Variants in PCDH15 observed in about 807,000 individuals in gnomAD.
PCDH15 encodes the protein protocadherin related 15.
In PCDH15, 129 loss-of-function variants were observed where a neutral mutation model predicts 178.5. The observed-to-expected ratio is 0.72, with a 90% CI of 0.63 to 0.84. PCDH15 has a LOEUF of 0.84. PCDH15 is among the 40% of genes least tolerant of loss of function. The pLI is 0.00. For missense variants in PCDH15, 2,230 were observed against 2,099.9 expected, an observed-to-expected ratio of 1.06 and a Z score of -1.21; for synonymous variants, 800 against 732.0, an observed-to-expected ratio of 1.09 and a Z score of -1.50.
intron 1 of PCDH15, among the ~76,000 whole-genome samples, chr10:54,792,922 C>A (rs182403739): frequency 2.6e-4 from 40 of 151,870 alleles, no homozygotes; most frequent in African/African-American, 8.9e-4. Context: ...TGTACTGAGT[C>A]CCCCATTCCC....
At chr10:54,069,493 A>G (rs1367792957) in intron 17 of PCDH15, among the ~76,000 whole-genome samples, 1 of 152,180 alleles carries the variant, frequency 6.6e-6, no homozygotes, top group Non-Finnish European at 1.5e-5. Flanking sequence ...ATTTTATATG[A>G]CATGAAAAAA....
intron 3 of PCDH15, among the ~76,000 whole-genome samples, chr10:54,823,071 G>A (rs4506539): frequency 0.68 from 103,144 of 151,612 alleles, 35,415 homozygotes; most frequent in Admixed American, 0.78. Context: ...TACTAGAGAC[G>A]GGGTTTCACC....
intron 1 of PCDH15, among the ~76,000 whole-genome samples, chr10:55,312,271 G>C (rs985070577): frequency 2.0e-5 from 3 of 151,806 alleles, no homozygotes; most frequent in Admixed American, 6.6e-5. Context: ...TCTGTTGTAA[G>C]GTAAAAAATG....
At chr10:54,062,256 A>AAAAAAAAAAAAAAAAAAG (rs2094042677) in intron 18 of PCDH15, among the ~76,000 whole-genome samples, 2 of 110,010 alleles carry the variant, frequency 1.8e-5, no homozygotes, top group Non-Finnish European at 4.1e-5. Flanking sequence ...AAAAAAACAA[A>AAAAAAAAAAAAAAAAAAG]AAACAACTAA....
At chr10:55,163,397 G>T (rs1591956147) in intron 2 of PCDH15, among the ~76,000 whole-genome samples, 1 of 152,204 alleles carries the variant, frequency 6.6e-6, no homozygotes, top group Non-Finnish European at 1.5e-5. Context: ...AATATATAAA[G>T]ACCCACAGCC....
At chr10:55,238,671 T>C (rs1398268988) in intron 1 of PCDH15, among the ~76,000 whole-genome samples, 1 of 152,090 alleles carries the variant, frequency 6.6e-6, no homozygotes, top group African/African-American at 2.4e-5. Flanking sequence ...TTATTTTTAT[T>C]TCCATTTTAT....
In PCDH15 at chr10:53,806,821, T is replaced by C; in HGVS notation, c.4981A>G (p.Thr1661Ala). 6.2e-7 allele frequency: 1 copy of C among 1,613,878 alleles called. No individual in the cohort carries two copies. The highest frequency in any genetic ancestry group is 8.5e-7 in the Non-Finnish European group (1 of 1,179,824). ...LNTLSKGPFS[T>A]EKMNARPTLV... is the part of the protein sequence containing the mutation. ...GTTGGTCTTGCATTCATTTTTTCAG[T>C]AGAAAATGGCCCCTTTGATAATGTG... The change falls in exon 38 of 38, where the codon ACT becomes GCT. Residue 1661 changes from threonine to alanine, a missense_variant. Thr to Ala is a moderately conservative substitution (Grantham distance 58). Coordinates refer to ENST00000644397, the MANE Select transcript of PCDH15 (RefSeq NM_001384140.1).
intron 2 of PCDH15, among the ~76,000 whole-genome samples, chr10:55,346,987 G>C (rs1466561920): frequency 2.0e-5 from 3 of 152,034 alleles, no homozygotes; most frequent in Admixed American, 2.0e-4. Flanking sequence ...GGCTGAGGTG[G>C]GAGGATCACT....
chr10:54,577,091 CTT>C (rs11318408), intron 2 of PCDH15, among the ~76,000 whole-genome samples: 50 of 146,124 alleles, frequency 3.4e-4, no homozygotes, highest in South Asian at 6.6e-4. Context: ...ATTTTAATTT[CTT>C]TTTTTTTTTT....
chr10:54,972,367 C>G (rs1838955307), intron 2 of PCDH15, among the ~76,000 whole-genome samples: 1 of 151,106 alleles, frequency 6.6e-6, no homozygotes, highest in Admixed American at 6.6e-5. Context: ...GGGTGAAACC[C>G]CATCTCTACT....
intron 3 of PCDH15, among the ~76,000 whole-genome samples, chr10:54,450,411 CT>C (rs1565309067): frequency 6.6e-6 from 1 of 151,144 alleles, no homozygotes; most frequent in East Asian, 1.9e-4. Context: ...TAGTTTCTTC[CT>C]TTTTTTATTT....
chr10:55,597,457 A>G (rs1203055716), intron 2 of PCDH15, among the ~76,000 whole-genome samples: 2 of 152,124 alleles, frequency 1.3e-5, no homozygotes, highest in African/African-American at 4.8e-5. Flanking sequence ...CCTAAAAATC[A>G]TAATTTAACC....
intron 26 of PCDH15, among the ~76,000 whole-genome samples, chr10:53,870,677 C>T (rs1013548419): frequency 1.3e-5 from 2 of 152,108 alleles, no homozygotes; most frequent in African/African-American, 2.4e-5. Flanking sequence ...TTTTTAGTCT[C>T]CCCAATTTAT....
intron 23 of PCDH15, among the ~76,000 whole-genome samples, chr10:53,958,170 C>G (rs1286854711): frequency 6.6e-6 from 1 of 152,150 alleles, no homozygotes; most frequent in Non-Finnish European, 1.5e-5. Context: ...CATCCTAGAA[C>G]ATGATCAAGT....
At chr10:53,861,446 T>G (rs2133091687) in intron 27 of PCDH15, among the ~76,000 whole-genome samples, 1 of 152,280 alleles carries the variant, frequency 6.6e-6, no homozygotes, top group South Asian at 2.1e-4. Flanking sequence ...AATTTACATG[T>G]TACTATTTCT....
chr10:53,897,942 T>C (rs1289841494), intron 26 of PCDH15, among the ~76,000 whole-genome samples: 1 of 148,684 alleles, frequency 6.7e-6, no homozygotes, highest in Non-Finnish European at 1.5e-5. Flanking sequence ...GATGAACATA[T>C]GTGTTGTTTC....
At chr10:55,441,674 G>T (rs1010898681) in intron 2 of PCDH15, among the ~76,000 whole-genome samples, 4 of 152,110 alleles carry the variant, frequency 2.6e-5, no homozygotes, top group East Asian at 1.9e-4. Flanking sequence ...ATTTTAAGAA[G>T]CACAGAAAAA....
chr10:55,081,081 A>G (rs1448192559), intron 2 of PCDH15, among the ~76,000 whole-genome samples: 36 of 152,122 alleles, frequency 2.4e-4, no homozygotes, highest in Admixed American at 2.1e-3. Context: ...ATGTGCACAG[A>G]GGAGGCTTCT....
chr10:53,936,479 G>A (rs2085581735), intron 25 of PCDH15, among the ~76,000 whole-genome samples: 1 of 152,090 alleles, frequency 6.6e-6, no homozygotes, highest in Non-Finnish European at 1.5e-5. Context: ...AGAGCATAGA[G>A]GAACAACTAT....
Sources: allele counts gnomAD v4.1 joint callset (sites outside exome capture counted in the v4.1 genomes callset), GRCh38; gene constraint gnomAD v4.1.1; transcripts MANE v1.5; gene names NCBI Gene and HGNC (gene_info 2026-07-23, HGNC 2026-07-21).